NLGN4X: variants seen among roughly 807,000 people sequenced by gnomAD.
NLGN4X encodes neuroligin 4 X-linked.
A neutral mutation model predicts 40.3 loss-of-function variants in NLGN4X; 3 were observed. The ratio of observed to expected loss-of-function variants is 0.07; its 90% confidence interval spans 0.03 to 0.19. The LOEUF (loss-of-function observed/expected upper bound fraction) is 0.19. Among genes scored for constraint, NLGN4X ranks in the 10% least tolerant of loss-of-function variants. The probability of loss-of-function intolerance (pLI) is 1.00; values close to 1 mark genes in which losing one functional copy is unlikely to be tolerated. For missense variants in NLGN4X, 382 were observed against 708.3 expected (o/e 0.54, Z 5.23); for synonymous variants, 270 against 306.8 (o/e 0.88, Z 1.25).
intron 1 of NLGN4X, among the ~76,000 whole-genome samples, chrX:6,180,939 T>C (rs986433772): frequency 3.6e-5 from 4 of 111,733 alleles, no homozygotes; most frequent in African/African-American, 1.3e-4. Flanking sequence ...CCTGCCCTGC[T>C]TTTTTCTTTA....
rs752177052 is a variant in NLGN4X at position 5,950,905 on chromosome X, C to T, written c.626-41666G>A. Among the ~76,000 whole-genome samples the T allele has an allele frequency of 4.5e-5, 5 of 111,939 alleles. No individual in the cohort carries two copies. The East Asian group carries it at 1.4e-3, about 32-fold the overall frequency. The stretch of plus-strand genomic sequence containing the variant: ...CTCAGGAAGTAGGACGGAGAAGAAA[C>T]ATCCCCACCACAACATGATTATAAG... On this transcript the variant is annotated intron_variant, in intron 3 of 5. Coordinates refer to ENST00000381095, the MANE Select transcript of NLGN4X (RefSeq NM_181332.3).
chrX:6,165,016 G>A (rs188490534), intron 1 of NLGN4X, among the ~76,000 whole-genome samples: 39 of 111,229 alleles, frequency 3.5e-4, no homozygotes, highest in African/African-American at 1.3e-3. Context: ...AAGCTCCCAG[G>A]AAAGGCAAGC....
At chrX:5,912,881 AAGGAAGGAAGGAAGGC>A (rs1331782193) in intron 3 of NLGN4X, among the ~76,000 whole-genome samples, 2 of 65,654 alleles carry the variant, frequency 3.0e-5, no homozygotes, top group Non-Finnish European at 2.8e-5. Flanking sequence ...GGGAGGAAGG[AAGGAAGGAAGGAAGGC>A]AGGAGGGAGG....
chrX:6,059,183 T>A (rs1381370546), intron 2 of NLGN4X, among the ~76,000 whole-genome samples: 2 of 112,149 alleles, frequency 1.8e-5, no homozygotes, highest in African/African-American at 6.5e-5. Flanking sequence ...TTTGCAGCTG[T>A]ACTTCTTGTA....
At chrX:6,071,633 A>T (rs1676578397) in intron 2 of NLGN4X, among the ~76,000 whole-genome samples, 1 of 111,616 alleles carries the variant, frequency 9.0e-6, no homozygotes, top group Non-Finnish European at 1.9e-5. Context: ...CTTATGTATC[A>T]AGGGCTCATC....
At chrX:6,031,787 TAA>T (rs36065341) in intron 2 of NLGN4X, among the ~76,000 whole-genome samples, 6 of 98,970 alleles carry the variant, frequency 6.1e-5, no homozygotes, top group African/African-American at 1.5e-4. Context: ...TTCTCCTCTT[TAA>T]AAAAAAAAAA....
intron 1 of NLGN4X, chrX:6,227,001 C>G (rs1926426790): frequency 8.8e-6 from 1 of 113,623 alleles, no homozygotes; most frequent in Admixed American, 9.3e-5. Context: ...TGCGTGGTCT[C>G]GAAGCCCCTC....
chrX:6,165,262 T>C (rs753075194), intron 1 of NLGN4X, among the ~76,000 whole-genome samples: 53 of 111,501 alleles, frequency 4.8e-4, no homozygotes, highest in African/African-American at 1.6e-3. Context: ...CATAAAAACC[T>C]CTGTGTCTCA....
At chrX:6,004,412 C>T (rs189543052) in intron 3 of NLGN4X, among the ~76,000 whole-genome samples, 90 of 111,700 alleles carry the variant, frequency 8.1e-4, no homozygotes, top group African/African-American at 2.8e-3. Context: ...GAAAACAAAA[C>T]TTTTCCTCAT....
At chrX:6,102,643 T>TATACATAC (rs60184331) in intron 2 of NLGN4X, among the ~76,000 whole-genome samples, 24,323 of 104,161 alleles carry the variant, frequency 0.23, 2,286 homozygotes, top group South Asian at 0.28. Context: ...TTGATAGATA[T>TATACATAC]ATACATACAT....
At chrX:5,951,677 G>A (rs753204248) in intron 3 of NLGN4X, among the ~76,000 whole-genome samples, 23 of 111,218 alleles carry the variant, frequency 2.1e-4, no homozygotes, top group African/African-American at 6.5e-4. Flanking sequence ...CATAGACAGC[G>A]CCTTCTTGCT....
At chrX:6,014,166 G>C (rs1468465197) in intron 3 of NLGN4X, among the ~76,000 whole-genome samples, 3 of 106,940 alleles carry the variant, frequency 2.8e-5, no homozygotes, top group Non-Finnish European at 5.8e-5. Context: ...TGGCAACAGA[G>C]CAAGACTCCA....
Position 5,964,363 on chromosome X carries a change from A to T in NLGN4X, c.626-55124T>A, listed in dbSNP as rs760708095. On this transcript the variant is annotated intron_variant, in intron 3 of 5. Coordinates refer to ENST00000381095, the MANE Select transcript of NLGN4X (RefSeq NM_181332.3). ...GAATACAGTGGTATTTATTCTATTC[A>T]TAAGTATTCTAAAAAAAGATTACAA... 5.3e-5 allele frequency among the ~76,000 whole-genome samples: 6 copies of T among 112,442 alleles called. No homozygotes were observed. In the East Asian group the frequency reaches 1.4e-3, roughly 26 times the overall value.
Position 5,913,730 on chromosome X carries a change from A to T in NLGN4X, c.626-4491T>A, listed in dbSNP as rs757679107. On this transcript the variant is annotated intron_variant, in intron 3 of 5. Coordinates refer to ENST00000381095, the MANE Select transcript of NLGN4X (RefSeq NM_181332.3). ...ATACACACACAAGAGATATCAATAGATACGTTCAGTGATCTGGTTTGGCTG... is the reference window on the plus strand; with the variant it reads ...ATACACACACAAGAGATATCAATAGTTACGTTCAGTGATCTGGTTTGGCTG... Among the ~76,000 whole-genome samples the T allele has an allele frequency of 6.2e-5, 7 of 112,131 alleles. No homozygotes were observed. The South Asian group carries it at 2.6e-3, about 42-fold the overall frequency.
At chrX:6,092,232 C>G (rs987410976) in intron 2 of NLGN4X, among the ~76,000 whole-genome samples, 2 of 112,048 alleles carry the variant, frequency 1.8e-5, no homozygotes, top group Admixed American at 1.9e-4. Context: ...GCTCCTCCAA[C>G]AGTGTAAGCA....
intron 3 of NLGN4X, among the ~76,000 whole-genome samples, chrX:5,933,104 AT>A (rs1426857897): frequency 9.0e-6 from 1 of 111,256 alleles, no homozygotes; most frequent in Non-Finnish European, 1.9e-5. Context: ...ATTTAAAAAA[AT>A]TTAATACTAT....
chrX:6,163,764 T>A (rs1297867848), intron 1 of NLGN4X, among the ~76,000 whole-genome samples: 1 of 112,029 alleles, frequency 8.9e-6, no homozygotes, highest in East Asian at 2.8e-4. Context: ...GATACCACAC[T>A]GAACATTCAC....
chrX:6,149,982 A>C (rs1260716567), intron 2 of NLGN4X, among the ~76,000 whole-genome samples: 1 of 111,078 alleles, frequency 9.0e-6, no homozygotes, highest in Non-Finnish European at 1.9e-5. Flanking sequence ...AAAAAGAAGA[A>C]GAAGAAATTT....
intron 2 of NLGN4X, among the ~76,000 whole-genome samples, chrX:6,036,610 G>GCGCA (rs1400925134): frequency 2.9e-4 from 27 of 93,578 alleles, no homozygotes; most frequent in East Asian, 1.4e-3. Flanking sequence ...TGTGGCTGGC[G>GCGCA]CACACACACA....
Sources: gnomAD v4.1 joint callset for allele counts (sites outside exome capture counted in the v4.1 genomes callset) on GRCh38, gnomAD v4.1.1 for gene constraint, MANE v1.5 for transcripts, NCBI Gene and HGNC (gene_info 2026-07-23, HGNC 2026-07-21) for gene names.